The following MND1 variants were observed in gnomAD, a reference collection of about 807,000 sequenced individuals.
MND1 encodes the protein meiotic nuclear divisions 1, also known as meiotic nuclear division protein 1 homolog.
MND1 carries 28 observed loss-of-function variants against 35.1 expected under a neutral mutation model. The ratio of observed to expected loss-of-function variants is 0.80; its 90% CI spans 0.59 to 1.09. MND1 has a LOEUF of 1.09. Among genes scored for constraint, MND1 ranks in the 50% least tolerant of loss-of-function variants. The probability of loss-of-function intolerance (pLI) is 0.00; values close to 1 mark genes in which losing one functional copy is unlikely to be tolerated. For synonymous variants in MND1, 69 were observed against 70.5 expected (o/e 0.98, Z 0.11); for missense variants, 213 against 239.6 (o/e 0.89, Z 0.73).
chr4:153,361,708 G>A (rs771310162), intron 4 of MND1: 255 of 363,190 alleles, frequency 7.0e-4, no homozygotes, highest in Middle Eastern at 2.0e-3. Context: ...CGTGGTGGTG[G>A]GTGCCTGTAG....
At chr4:153,358,401 T>G in intron 3 of MND1, 73 bp from the exon 4 acceptor site, 1 of 1,305,300 alleles carries the variant, frequency 7.7e-7, no homozygotes, top group South Asian at 1.8e-5. Context: ...TGCAAGTGTT[T>G]CCCCAGTTAT....
intron 6 of MND1, among the ~76,000 whole-genome samples, chr4:153,400,594 C>G (rs2149656012): frequency 6.6e-6 from 1 of 152,210 alleles, no homozygotes; most frequent in African/African-American, 2.4e-5. Context: ...AGTTTTATTA[C>G]CTTTCTACTT....
chr4:153,362,758 C>T (rs1347049984), intron 4 of MND1, among the ~76,000 whole-genome samples: 2 of 152,070 alleles, frequency 1.3e-5, no homozygotes, highest in South Asian at 2.1e-4. Context: ...TATGAGCTCA[C>T]ATTCAATTGG....
chr4:153,367,896 T>G (rs971641241), intron 4 of MND1, among the ~76,000 whole-genome samples: 1 of 152,220 alleles, frequency 6.6e-6, no homozygotes, highest in African/African-American at 2.4e-5. Context: ...AAGTGGTATC[T>G]CATTGTGGTT....
intron 4 of MND1, among the ~76,000 whole-genome samples, chr4:153,385,715 C>CAA (rs60037291): frequency 0.034 from 2,872 of 83,512 alleles, 53 homozygotes; most frequent in Non-Finnish European, 0.051. Context: ...GACCCTGTCT[C>CAA]AAAAAAAAAA....
At chr4:153,400,976 A>G (rs1729333135) in intron 6 of MND1, among the ~76,000 whole-genome samples, 2 of 152,260 alleles carry the variant, frequency 1.3e-5, no homozygotes, top group South Asian at 2.1e-4. Context: ...GAAAACTACA[A>G]TGTCTGACAT....
intron 6 of MND1, among the ~76,000 whole-genome samples, chr4:153,401,617 C>T (rs1472757714): frequency 6.6e-6 from 1 of 152,032 alleles, no homozygotes; most frequent in Non-Finnish European, 1.5e-5. Flanking sequence ...CATGTTAACG[C>T]AGAACAGATT....
At chr4:153,389,760 G>A (rs1483407057) in intron 4 of MND1, among the ~76,000 whole-genome samples, 1 of 152,164 alleles carries the variant, frequency 6.6e-6, no homozygotes, top group Non-Finnish European at 1.5e-5. Flanking sequence ...TTCTACTTCA[G>A]GCTACAGTAT....
chr4:153,361,966 CTT>C (rs1186721597), intron 4 of MND1, among the ~76,000 whole-genome samples: 2 of 152,142 alleles, frequency 1.3e-5, no homozygotes, highest in African/African-American at 2.4e-5. Flanking sequence ...TTTAAGAACT[CTT>C]TATTTTTTCC....
At chr4:153,358,396 G>C (rs1467499616) in intron 3 of MND1, 78 bp from the exon 4 acceptor site, 2 of 1,254,864 alleles carry the variant, frequency 1.6e-6, no homozygotes, top group Non-Finnish European at 2.1e-6. Flanking sequence ...TGTTTTGCAA[G>C]TGTTTCCCCA....
chr4:153,358,387 GT>G, intron 3 of MND1, 86 bp from the exon 4 acceptor site: 6 of 1,142,924 alleles, frequency 5.2e-6, no homozygotes, highest in Non-Finnish European at 7.2e-6. Flanking sequence ...TTTGTGATAT[GT>G]TTTGCAAGTG....
chr4:153,374,869 A>G (rs1008768232), intron 4 of MND1, among the ~76,000 whole-genome samples: 11 of 152,138 alleles, frequency 7.2e-5, no homozygotes, highest in Non-Finnish European at 2.9e-5. Context: ...GCAACTGCTC[A>G]TTGGCTGTGT....
At chr4:153,352,780 T>C (rs1773248910) in intron 2 of MND1, among the ~76,000 whole-genome samples, 1 of 151,432 alleles carries the variant, frequency 6.6e-6, no homozygotes, top group Non-Finnish European at 1.5e-5. Flanking sequence ...ACAACGATAT[T>C]ATCTAGGATT....
chr4:153,378,832 C>T (rs972500111), intron 4 of MND1, among the ~76,000 whole-genome samples: 1 of 152,194 alleles, frequency 6.6e-6, no homozygotes, highest in Non-Finnish European at 1.5e-5. Context: ...ATCCACATTC[C>T]TTATCCTTAA....
intron 4 of MND1, among the ~76,000 whole-genome samples, chr4:153,385,715 CAA>C (rs60037291): frequency 1.8e-4 from 15 of 83,672 alleles, no homozygotes; most frequent in East Asian, 3.9e-4. Context: ...GACCCTGTCT[CAA>C]AAAAAAAAAA....
intron 6 of MND1, among the ~76,000 whole-genome samples, chr4:153,403,009 G>GC (rs1561078749): frequency 6.6e-6 from 1 of 152,126 alleles, no homozygotes; most frequent in East Asian, 1.9e-4. Context: ...GGTGGCATGT[G>GC]CCTGTAGTAC....
At chr4:153,399,975 A>T (rs1292244818) in intron 6 of MND1, among the ~76,000 whole-genome samples, 2 of 134,734 alleles carry the variant, frequency 1.5e-5, no homozygotes, top group Admixed American at 9.1e-5. Flanking sequence ...ATCAGGGATC[A>T]CGGTAGCCTC....
intron 4 of MND1, among the ~76,000 whole-genome samples, chr4:153,390,895 GTGTGTGTGTGTGTGTGTGTGTATA>G (rs1445615238): frequency 1.5e-5 from 2 of 134,896 alleles, no homozygotes; most frequent in South Asian, 2.4e-4. Context: ...ATATATGTGT[GTGTGTGTGTGTGTGTGTGTGTATA>G]TGTGTGTGTG....
At position 153,355,726 on chromosome 4, in the gene MND1, T is replaced by G; in HGVS notation, c.127+15T>G. On this transcript the variant is annotated intron_variant, in intron 3 of 7. Coordinates refer to ENST00000240488, the MANE Select transcript of MND1 (RefSeq NM_032117.4). ...GAAAGGCATTAGTAAGTACCAAAGT[T>G]ATACTGGAATGTTTTGGGAAATATA... is the stretch of plus-strand genomic sequence containing the variant. 2 of 1,502,360 alleles carry G rather than the reference T, an allele frequency of 1.3e-6. No homozygotes were observed. The highest frequency in any genetic ancestry group is 2.8e-5 in the African/African-American group (2 of 71,934). The allele number at this position is 1,502,360 out of a possible 1,614,324, so 93.1% of individuals were successfully genotyped here. A position where few individuals can be genotyped will look rare whatever the true frequency, so the allele number is the denominator to read the frequency against.
Sources: gnomAD v4.1 joint callset for allele counts (sites outside exome capture counted in the v4.1 genomes callset) on GRCh38, gnomAD v4.1.1 for gene constraint, MANE v1.5 for transcripts, NCBI Gene and HGNC (gene_info 2026-07-23, HGNC 2026-07-21) for gene names.